Variants in RRAGD observed in about 807,000 individuals in gnomAD.
RRAGD encodes ras-related GTP-binding protein D.
RRAGD carries 12 observed loss-of-function variants against 35.5 expected under a neutral mutation model. The observed-to-expected ratio is 0.34, with a 90% CI of 0.22 to 0.55. The LOEUF is 0.55. Among genes scored for constraint, RRAGD ranks in the 20% least tolerant of loss-of-function variants. RRAGD has a pLI of 0.91. For synonymous variants in RRAGD, 155 were observed against 178.9 expected (o/e 0.87, Z 1.07); for missense variants, 324 against 490.1 (o/e 0.66, Z 3.20).
intron 1 of RRAGD, among the ~76,000 whole-genome samples, chr6:89,406,858 TG>T (rs201359696): frequency 0.011 from 1,704 of 152,270 alleles, 33 homozygotes; most frequent in African/African-American, 0.039. Flanking sequence ...GACACTGTCG[TG>T]GGATCAGAGC....
intron 4 of RRAGD, 136 bp from the exon 5 acceptor site, chr6:89,377,949 C>A: frequency 1.2e-5 from 8 of 644,636 alleles, no homozygotes; most frequent in African/African-American, 1.9e-5. Context: ...TAAATTGTAT[C>A]ATTTTATTAC....
intron 1 of RRAGD, among the ~76,000 whole-genome samples, chr6:89,405,010 T>C (rs1769549507): frequency 6.6e-6 from 1 of 152,160 alleles, no homozygotes; most frequent in East Asian, 1.9e-4. Flanking sequence ...GGTAGCATCT[T>C]TGAATAGGCT....
chr6:89,398,101 C>T (rs916410138), intron 1 of RRAGD, among the ~76,000 whole-genome samples: 2 of 151,564 alleles, frequency 1.3e-5, no homozygotes, highest in Admixed American at 6.6e-5. Flanking sequence ...GCCAAGATTG[C>T]GTCACTGCGC....
At chr6:89,373,313 G>A (rs1027990869) in intron 5 of RRAGD, among the ~76,000 whole-genome samples, 1 of 152,126 alleles carries the variant, frequency 6.6e-6, no homozygotes, top group Non-Finnish European at 1.5e-5. Flanking sequence ...AAAATAAAGA[G>A]TTAAATAAGA....
At chr6:89,405,077 A>G (rs1034676520) in intron 1 of RRAGD, among the ~76,000 whole-genome samples, 5 of 152,162 alleles carry the variant, frequency 3.3e-5, no homozygotes, top group South Asian at 4.1e-4. Flanking sequence ...GTGGCCAGGC[A>G]CGGTGGCTCA....
At chr6:89,396,923 T>C (rs904061020) in intron 1 of RRAGD, among the ~76,000 whole-genome samples, 2 of 151,340 alleles carry the variant, frequency 1.3e-5, no homozygotes, top group African/African-American at 4.9e-5. Context: ...GTATTTTTAG[T>C]AGAGATGGGG....
chr6:89,406,242 G>A (rs1769576307), intron 1 of RRAGD, among the ~76,000 whole-genome samples: 2 of 152,124 alleles, frequency 1.3e-5, no homozygotes, highest in Non-Finnish European at 2.9e-5. Context: ...GTATGGAAGG[G>A]AGAAGGGAAG....
intron 3 of RRAGD, among the ~76,000 whole-genome samples, chr6:89,379,899 T>G (rs976986618): frequency 6.6e-6 from 1 of 152,216 alleles, no homozygotes; most frequent in Non-Finnish European, 1.5e-5. Flanking sequence ...TAAAATTATA[T>G]TCATAGGTTT....
chr6:89,408,324 C>A (rs1263865593), intron 1 of RRAGD, among the ~76,000 whole-genome samples: 1 of 152,082 alleles, frequency 6.6e-6, no homozygotes, highest in African/African-American at 2.4e-5. Context: ...TTCCAAGGAA[C>A]AATGAAAAGG....
chr6:89,368,290 C>T, intron 6 of RRAGD, 83 bp from the exon 7 acceptor site: 1 of 1,194,096 alleles, frequency 8.4e-7, no homozygotes, highest in Non-Finnish European at 1.2e-6. Context: ...CAGGACAAGC[C>T]AGTAGGGGGC....
Position 89,391,458 on chromosome 6 carries a change from T to C in RRAGD, c.149-3868A>G, listed in dbSNP as rs971793627. 2.2e-4 allele frequency among the ~76,000 whole-genome samples: 34 copies of C among 151,778 alleles called. 1 individual carries two copies. The highest frequency in any genetic ancestry group is 8.2e-4 in the African/African-American group (34 of 41,324). On this transcript the variant is annotated intron_variant, in intron 1 of 6. Coordinates refer to ENST00000369415, the MANE Select transcript of RRAGD (RefSeq NM_021244.5). ...TAAAGTACCAATTCATGCTACAATA[T>C]GGATGAACACTGAAAATAATAATGC... is the stretch of plus-strand genomic sequence containing the variant.
At position 89,399,706 on chromosome 6, in the gene RRAGD, G is replaced by A. The variant is rs1038777275; in HGVS notation, c.149-12116C>T. On this transcript the variant is annotated intron_variant, in intron 1 of 6. Coordinates refer to ENST00000369415, the MANE Select transcript of RRAGD (RefSeq NM_021244.5). ...GAGATAGGAGGATCACCTGAGCCCA[G>A]AAGTTAAGGCTGCAGTGAGCTGTGA... 3.9e-5 allele frequency among the ~76,000 whole-genome samples: 6 copies of A among 151,904 alleles called. No homozygotes were observed. The East Asian group carries it at 7.7e-4, about 20-fold the overall frequency.
chr6:89,375,440 A>G (rs189666354), intron 5 of RRAGD, among the ~76,000 whole-genome samples: 5 of 152,290 alleles, frequency 3.3e-5, no homozygotes, highest in Admixed American at 2.6e-4. Flanking sequence ...AACATATTTT[A>G]AAGTGTGTGC....
chr6:89,408,310 T>G (rs1769624532), intron 1 of RRAGD, among the ~76,000 whole-genome samples: 1 of 152,194 alleles, frequency 6.6e-6, no homozygotes, highest in Non-Finnish European at 1.5e-5. Flanking sequence ...TTATCTCTAC[T>G]TACTTCCAAG....
In RRAGD at chr6:89,411,847, T is replaced by C; in HGVS notation, c.147A>G (p.Gly49=). The C allele has an allele frequency of 6.5e-7, 1 of 1,549,948 alleles. No individual in the cohort carries two copies. The highest frequency in any genetic ancestry group is 8.7e-7 in the Non-Finnish European group (1 of 1,150,862). ...DADPDSGTEE[G]VLDFSDPFST... ...AGGACGCGGGGGCCGGGCGCTCACCTCCCTCCTCTGTGCCGCTGTCCGGAT... is the reference window on the plus strand; with the variant it reads ...AGGACGCGGGGGCCGGGCGCTCACCCCCCTCCTCTGTGCCGCTGTCCGGAT... Residue 49 remains glycine (G), a splice_region_variant and synonymous_variant, in exon 1 of 7, where the codon GGA becomes GGG. Transcript: ENST00000369415. The surrounding 1 kb of genome is among the most constrained non-coding windows in gnomAD (Gnocchi z 5.6).
At chr6:89,382,400 A>AATATATATGTATAT (rs1554203626) in intron 2 of RRAGD, among the ~76,000 whole-genome samples, 1 of 130,892 alleles carries the variant, frequency 7.6e-6, no homozygotes, top group Non-Finnish European at 1.5e-5. Flanking sequence ...TATCTCTAGA[A>AATATATATGTATAT]ATATATATAT....
rs1041084946 is a variant in RRAGD, at chr6:89,393,165, C to T, written c.149-5575G>A. On this transcript the variant is annotated intron_variant, in intron 1 of 6. Coordinates refer to ENST00000369415, the MANE Select transcript of RRAGD (RefSeq NM_021244.5). ...TAATAGAAATGTTGTGCATAATAAA[C>T]AAATAGGTGCACAATGAAACATGGA... Among the ~76,000 whole-genome samples the T allele has an allele frequency of 3.3e-5, 5 of 152,120 alleles. No homozygotes were observed. The East Asian group carries it at 9.6e-4, about 29-fold the overall frequency.
At chr6:89,398,546 G>GAGA (rs1308254937) in intron 1 of RRAGD, among the ~76,000 whole-genome samples, 1 of 152,224 alleles carries the variant, frequency 6.6e-6, no homozygotes, top group Non-Finnish European at 1.5e-5. Flanking sequence ...ATGGGGTTGA[G>GAGA]AGAAGGAGCA....
chr6:89,379,134 T>C, intron 4 of RRAGD, 90 bp downstream of exon 4: 2 of 641,594 alleles, frequency 3.1e-6, no homozygotes, highest in East Asian at 2.9e-5. Flanking sequence ...TGAAATGCTA[T>C]AGAAGCAATC....
Sources: allele counts gnomAD v4.1 joint callset (sites outside exome capture counted in the v4.1 genomes callset), GRCh38; gene constraint gnomAD v4.1.1; non-coding constraint Gnocchi (gnomAD v3.1); transcripts MANE v1.5; gene names NCBI Gene and HGNC (gene_info 2026-07-23, HGNC 2026-07-21).